The following WDFY3 variants were observed in gnomAD, a reference collection of about 807,000 sequenced individuals.
The protein encoded by WDFY3 is WD repeat and FYVE domain-containing protein 3.
In WDFY3, 66 loss-of-function variants were observed where a neutral mutation model predicts 409.6. That is an observed-to-expected ratio of 0.16 (90% CI 0.13 to 0.20). WDFY3 has a LOEUF of 0.20. WDFY3 is among the 10% of genes least tolerant of loss of function. The pLI is 1.00. For synonymous variants in WDFY3, 1,521 were observed against 1,537.1 expected (o/e 0.99, Z 0.25); for missense variants, 3,031 against 4,298.1 (o/e 0.71, Z 8.24).
At chr4:84,743,950 G>A in intron 36 of WDFY3, 151 bp from the exon 37 acceptor site, 2 of 384,918 alleles carry the variant, frequency 5.2e-6, no homozygotes, top group Non-Finnish European at 8.8e-6. Flanking sequence ...TACATGCTAT[G>A]CTTATGGTCT....
chr4:84,691,662 C>G lies in WDFY3; in HGVS notation c.9173G>C (p.Ser3058Thr), dbSNP rs1270453273. The G allele has an allele frequency of 1.2e-6, 2 of 1,613,992 alleles. No homozygotes were observed. The highest frequency in any genetic ancestry group is 1.7e-6 in the Non-Finnish European group (2 of 1,179,934). Residue 3058 changes from serine to threonine, a missense_variant, in exon 60 of 68, where the codon AGT (serine) becomes ACT (threonine). Coordinates refer to ENST00000295888, the MANE Select transcript of WDFY3 (RefSeq NM_014991.6). ...TGACTCATAGGTTCCCAGTCTGCAA[C>G]TGAGGTCTGCATAGCCCCAAGCAAA... ...KTFAWGYADL[S>T]CRLGTYESDK...
intron 4 of WDFY3, among the ~76,000 whole-genome samples, chr4:84,854,368 T>A (rs1311350278): frequency 5.3e-5 from 8 of 152,200 alleles, no homozygotes; most frequent in Non-Finnish European, 1.2e-4. Context: ...TCTGACATTG[T>A]AGGTAATACT....
At position 84,821,349 on chromosome 4, in the gene WDFY3, G is replaced by A; in HGVS notation, c.1326C>T (p.Asn442=). 1 of 1,613,800 alleles carries A rather than the reference G, an allele frequency of 6.2e-7. No homozygotes were observed. The highest frequency in any genetic ancestry group is 8.5e-7 in the Non-Finnish European group (1 of 1,179,868). The part of the protein sequence containing the change: ...EKISKLPEVQ[N]KYFEMLEFVV... ...CAAACTCCAGCATCTCAAAGTATTT[G>A]TTTTGTACTTCTGGGAGTTTAGAAA... Residue 442 remains asparagine, a synonymous_variant, in exon 11 of 68, where the codon AAC becomes AAT. Transcript: ENST00000295888.
At chr4:84,685,056 C>T (rs1251987821) in intron 62 of WDFY3, among the ~76,000 whole-genome samples, 1 of 152,166 alleles carries the variant, frequency 6.6e-6, no homozygotes. Context: ...TCTATAGCGC[C>T]AAAGCTTATA....
intron 6 of WDFY3, among the ~76,000 whole-genome samples, chr4:84,838,162 C>G (rs1044236554): frequency 6.6e-6 from 1 of 152,092 alleles, no homozygotes; most frequent in African/African-American, 2.4e-5. Context: ...TGACTCCTGA[C>G]GAGCCACAAT....
At chr4:84,745,641 G>A (rs2149259723) in intron 36 of WDFY3, among the ~76,000 whole-genome samples, 1 of 152,130 alleles carries the variant, frequency 6.6e-6, no homozygotes. Flanking sequence ...ACAAAATATG[G>A]GTCTAGTAAG....
rs1173707315 is a variant in WDFY3, at chr4:84,765,944, G to A, written c.5054C>T (p.Thr1685Ile). 6.2e-7 allele frequency: 1 copy of A among 1,614,006 alleles called. No homozygotes were observed. Among genetic ancestry groups the A allele is most frequent in the East Asian group, 2.2e-5 (1 of 44,830 alleles). Residue 1685 changes from threonine to isoleucine, a missense_variant, in exon 32 of 68, where the codon ACA becomes ATA. This residue lies in a region of WDFY3 where 342 missense variants were observed against 463.7 expected (regional missense o/e 0.74). Coordinates refer to ENST00000295888, the MANE Select transcript of WDFY3 (RefSeq NM_014991.6). ...GACAACAAGAATCCTCATGGCTGCT[G>A]TAACTGTGGTGGAATGTAAGTGTTC... ...MEEHLHSTTVTAAMRILVVLL... is the reference protein window; with the variant it reads ...MEEHLHSTTVIAAMRILVVLL...
chr4:84,832,311 G>C (rs990478469), intron 7 of WDFY3, among the ~76,000 whole-genome samples: 3 of 152,118 alleles, frequency 2.0e-5, no homozygotes, highest in African/African-American at 7.2e-5. Flanking sequence ...GTAAAGAGTA[G>C]AGTTTTGGTT....
At chr4:84,714,344 A>G (rs550226298) in intron 50 of WDFY3, among the ~76,000 whole-genome samples, 3 of 152,278 alleles carry the variant, frequency 2.0e-5, no homozygotes, top group Admixed American at 6.5e-5. Flanking sequence ...TCCTAGACCA[A>G]AGTGATCCTC....
intron 49 of WDFY3, 30 bp downstream of exon 49, chr4:84,716,866 T>A (rs748657933): frequency 6.8e-7 from 1 of 1,478,410 alleles, no homozygotes; most frequent in Non-Finnish European, 9.0e-7. Context: ...TAAAGAAACA[T>A]GATAAAACAG....
At chr4:84,856,437 T>C (rs770973789) in intron 4 of WDFY3, among the ~76,000 whole-genome samples, 1 of 152,126 alleles carries the variant, frequency 6.6e-6, no homozygotes, top group Non-Finnish European at 1.5e-5. Context: ...AATGTTTTCT[T>C]TGTCAGCTTT....
At chr4:84,900,261 A>C (rs989974345) in intron 2 of WDFY3, among the ~76,000 whole-genome samples, 1 of 152,038 alleles carries the variant, frequency 6.6e-6, no homozygotes, top group Non-Finnish European at 1.5e-5. Context: ...GATCTTGCTC[A>C]ATCTCCCAGG....
intron 57 of WDFY3, 71 bp from the exon 58 acceptor site, chr4:84,696,253 G>A (rs954177046): frequency 1.1e-5 from 16 of 1,438,454 alleles, no homozygotes; most frequent in Non-Finnish European, 1.9e-6. Context: ...AAAAACCTTG[G>A]TAAGTGGTTA....
At chr4:84,729,102 C>A (rs1317902657) in intron 44 of WDFY3, among the ~76,000 whole-genome samples, 1 of 151,920 alleles carries the variant, frequency 6.6e-6, no homozygotes, top group African/African-American at 2.4e-5. Context: ...CCAAGTAACC[C>A]CAAATTAATA....
At chr4:84,964,908 G>C (rs1291177549) in intron 1 of WDFY3, among the ~76,000 whole-genome samples, 1 of 152,150 alleles carries the variant, frequency 6.6e-6, no homozygotes, top group African/African-American at 2.4e-5. Flanking sequence ...GCTTGAGATA[G>C]AATGGTTCAA....
intron 36 of WDFY3, among the ~76,000 whole-genome samples, chr4:84,744,101 T>C (rs1264028232): frequency 6.8e-6 from 1 of 147,898 alleles, no homozygotes; most frequent in Non-Finnish European, 1.5e-5. Context: ...ATATAATATA[T>C]AGTATATATA....
chr4:84,768,469 A>C (rs1482542355), intron 30 of WDFY3, among the ~76,000 whole-genome samples: 1 of 152,182 alleles, frequency 6.6e-6, no homozygotes, highest in Admixed American at 6.5e-5. Context: ...TCATTGATCA[A>C]CTTGAAAATC....
In WDFY3 at chr4:84,739,102, C is replaced by A. The variant is rs1277428497; in HGVS notation, c.6482G>T (p.Gly2161Val). 6.2e-7 allele frequency: 1 copy of A among 1,614,056 alleles called. No homozygotes were observed. Among genetic ancestry groups the A allele is most frequent in the Admixed American group, 1.7e-5 (1 of 60,010 alleles). ...LHVGSNVDGF[G>V]LEAEARMTTW... ...GGTCATGCGGGCTTCTGCTTCCAGT[C>A]CAAATCCATCCACGTTGCTGAAAAA... Residue 2161 changes from glycine (G) to valine (V), a missense_variant, in exon 40 of 68, where the codon GGA becomes GTA. This residue lies in a region of WDFY3 where 314 missense variants were observed against 397.4 expected (regional missense o/e 0.79). Transcript: ENST00000295888.
intron 1 of WDFY3, among the ~76,000 whole-genome samples, chr4:84,937,301 C>T (rs1771544777): frequency 6.6e-6 from 1 of 152,124 alleles, no homozygotes; most frequent in Non-Finnish European, 1.5e-5. Flanking sequence ...TATTGGCTTC[C>T]AGAACCAACT....
Sources: gnomAD v4.1 joint callset for allele counts (sites outside exome capture counted in the v4.1 genomes callset) on GRCh38, gnomAD v4.1.1 for gene constraint, gnomAD v4.1.1 regional missense constraint, MANE v1.5 for transcripts, NCBI Gene and HGNC (gene_info 2026-07-23, HGNC 2026-07-21) for gene names.